Variants in UBE2Q1 observed in about 807,000 individuals in gnomAD.
UBE2Q1 encodes the protein ubiquitin-conjugating enzyme E2 Q1.
UBE2Q1 carries 6 observed loss-of-function variants against 60.1 expected under a neutral mutation model. The observed-to-expected ratio is 0.10, with a 90% CI of 0.05 to 0.20. UBE2Q1 has a LOEUF of 0.20. UBE2Q1 is among the 10% of genes least tolerant of loss of function. The pLI is 1.00. For missense variants in UBE2Q1, 262 were observed against 525.8 expected, an observed-to-expected ratio of 0.50 and a Z score of 4.91; for synonymous variants, 226 against 208.3, an observed-to-expected ratio of 1.09 and a Z score of -0.73.
intron 7 of UBE2Q1, 95 bp downstream of exon 7, chr1:154,552,308 GA>G: frequency 6.3e-7 from 1 of 1,592,534 alleles, no homozygotes; most frequent in South Asian, 1.1e-5. Context: ...GACCCTGAAT[GA>G]AAATGCTGGA....
chr1:154,553,779 G>T (rs1347333449), intron 4 of UBE2Q1: 1 of 152,554 alleles, frequency 6.6e-6, no homozygotes. Flanking sequence ...TGCTCTAAGT[G>T]AGCAAGCAAC....
rs1695758192 is a variant in UBE2Q1, at chr1:154,549,637, TC to T, written c.*800del. 1 of 152,694 alleles carries T rather than the reference TC, an allele frequency of 6.5e-6. No individual in the cohort carries two copies. Among genetic ancestry groups the T allele is most frequent in the East Asian group, 1.9e-4 (1 of 5,210 alleles). The allele number at this position is 152,694 out of a possible 1,614,324, so 9.5% of individuals were successfully genotyped here. A position where few individuals can be genotyped will look rare whatever the true frequency, so the allele number is the denominator to read the frequency against. ...TCAAAAGGAATTCTACGAAGCAGCC[TC>T]TTGAGCCTCATTTTCTTTTTCTTAG... On this transcript the variant is annotated 3_prime_UTR_variant, in exon 13 of 13. Coordinates refer to ENST00000292211, the MANE Select transcript of UBE2Q1 (RefSeq NM_017582.7).
chr1:154,558,649 G>A lies in UBE2Q1; in HGVS notation c.-96C>T. The stretch of plus-strand genomic sequence containing the variant: ...CCGCCGCCGCCGCCGCCGCCGCCGC[G>A]GTCCGCACTTCCTGATCCCCCCTTC... On this transcript the variant is annotated 5_prime_UTR_variant, in exon 1 of 13. Transcript: ENST00000292211. The A allele has an allele frequency of 2.3e-6, 2 of 878,164 alleles. No homozygotes were observed. Among genetic ancestry groups the A allele is most frequent in the Non-Finnish European group, 2.7e-6 (2 of 739,952 alleles). 54.4% of individuals were successfully genotyped at this position (878,164 alleles called of 1,614,324 possible). A position where few individuals can be genotyped will look rare whatever the true frequency, so the allele number is the denominator to read the frequency against.
chr1:154,550,546 T>C lies in UBE2Q1; in HGVS notation c.1238-77A>G, dbSNP rs374660637. ...TGTCCTGCCCCAATCCCTGAAGACG[T>C]CTCCAGTGGCAGAGATAAGAGGATA... On this transcript the variant is annotated intron_variant, in intron 12 of 12. Transcript: ENST00000292211. 9.4e-6 allele frequency: 15 copies of C among 1,602,806 alleles called. No homozygotes were observed. The African/African-American group carries it at 1.9e-4, about 20-fold the overall frequency.
At chr1:154,555,709 C>G in intron 2 of UBE2Q1, 151 bp downstream of exon 2, 1 of 876,258 alleles carries the variant, frequency 1.1e-6, no homozygotes. Context: ...TGCAGGGTCT[C>G]CCTCTGGCTT....
At chr1:154,550,579 G>A (rs1395810103) in intron 12 of UBE2Q1, 110 bp from the exon 13 acceptor site, 1 of 1,566,304 alleles carries the variant, frequency 6.4e-7, no homozygotes, top group Non-Finnish European at 8.6e-7. Context: ...ATATTGGGGA[G>A]GGCTATGCTG....
rs141871612 is a variant in UBE2Q1, at chr1:154,550,631, G to A, written c.1238-162C>T. The A allele has an allele frequency of 4.9e-4, 479 of 985,368 alleles. 4 individuals carry two copies. The African/African-American group carries it at 7.7e-3, about 16-fold the overall frequency. The allele number at this position is 985,368 out of a possible 1,614,324, so 61.0% of individuals were successfully genotyped here. On this transcript the variant is annotated intron_variant, in intron 12 of 12. Transcript: ENST00000292211. ...TGGGAAGCTGAGAGCCTGCATACCT[G>A]GAGATGAGAAGGGGGAATGATGTGC...
At chr1:154,551,162 G>A (rs1025574660) in intron 11 of UBE2Q1, 158 bp from the exon 12 acceptor site, 3 of 929,302 alleles carry the variant, frequency 3.2e-6, no homozygotes, top group African/African-American at 3.3e-5. Context: ...TCCCTTGGAG[G>A]CATAATCCCA....
At chr1:154,558,166 G>A (rs1370291770) in intron 1 of UBE2Q1, 61 bp downstream of exon 1, 4 of 1,370,564 alleles carry the variant, frequency 2.9e-6, no homozygotes, top group Non-Finnish European at 3.9e-6. Flanking sequence ...AAAGCTGGAT[G>A]GAGTGATCCT....
chr1:154,548,921 A>G lies in UBE2Q1; in HGVS notation c.*1517T>C. 6.5e-6 allele frequency: 1 copy of G among 152,748 alleles called. No individual in the cohort carries two copies. Among genetic ancestry groups the G allele is most frequent in the Non-Finnish European group, 1.5e-5 (1 of 68,044 alleles). 9.5% of individuals were successfully genotyped at this position (152,748 alleles called of 1,614,324 possible). On this transcript the variant is annotated 3_prime_UTR_variant, in exon 13 of 13. Coordinates refer to ENST00000292211, the MANE Select transcript of UBE2Q1 (RefSeq NM_017582.7). ...AACATTAAAAGTCCCTCAAAAGAAA[A>G]GGGGTAGGGGAGGGGAAAGAATGGC...
intron 12 of UBE2Q1, 83 bp downstream of exon 12, chr1:154,550,855 A>G (rs1486151739): frequency 6.2e-7 from 1 of 1,610,086 alleles, no homozygotes; most frequent in East Asian, 2.2e-5. Flanking sequence ...AAACCAAAAG[A>G]AGGGGTTCTT....
Position 154,555,874 on chromosome 1 carries a change from T to C in UBE2Q1, c.418A>G (p.Lys140Glu), listed in dbSNP as rs753847447. The change falls in exon 2 of 13, where the codon AAA (lysine) becomes GAA (glutamate). Residue 140 changes from lysine to glutamate, a missense_variant. Lys to Glu is a moderately conservative substitution (Grantham distance 56). Coordinates refer to ENST00000292211, the MANE Select transcript of UBE2Q1 (RefSeq NM_017582.7). ...GGCCCCCTCACCAGAGTATTCCCTT[T>C]CTTTATGTCCACCAGCCTCTCCAAG... ...AVLERLVDIK[K>E]GNTLLLQHLK... 1.2e-6 allele frequency: 2 copies of C among 1,614,082 alleles called. No individual in the cohort carries two copies. The highest frequency in any genetic ancestry group is 2.2e-5 in the South Asian group (2 of 91,066).
At position 154,548,774 on chromosome 1, in the gene UBE2Q1, T is replaced by TTA. The variant is rs1188683408; in HGVS notation, c.*1662_*1663dup. ...CAGCTCTATGGAATGAATTTTCCCC[T>TTA]TATGTCCCGTCTTTATCTCAACCTC... On this transcript the variant is annotated 3_prime_UTR_variant, in exon 13 of 13. Transcript: ENST00000292211. The TTA allele has an allele frequency of 1.3e-5, 2 of 152,624 alleles. No homozygotes were observed. Among genetic ancestry groups the TTA allele is most frequent in the Non-Finnish European group, 2.9e-5 (2 of 68,046 alleles). 9.5% of individuals were successfully genotyped at this position (152,624 alleles called of 1,614,324 possible).
In UBE2Q1 at chr1:154,552,623, T is replaced by C. The variant is rs546229703; in HGVS notation, c.814+113A>G. 1.6e-5 allele frequency: 23 copies of C among 1,446,166 alleles called. No individual in the cohort carries two copies. The East Asian group carries it at 4.3e-4, about 27-fold the overall frequency. The allele number at this position is 1,446,166 out of a possible 1,614,324, so 89.6% of individuals were successfully genotyped here. ...CCACTGGCTTGAGGAGCTCCATTCT[T>C]GGCCTGAAAAGTTCATAAGCACTCC... On this transcript the variant is annotated intron_variant, in intron 6 of 12. Coordinates refer to ENST00000292211, the MANE Select transcript of UBE2Q1 (RefSeq NM_017582.7).
chr1:154,552,850 T>C (rs764963930), intron 5 of UBE2Q1, 30 bp from the exon 6 acceptor site: 1 of 1,612,518 alleles, frequency 6.2e-7, no homozygotes, highest in South Asian at 1.1e-5. Context: ...GGAACATTCC[T>C]TGGTCGTGTG....
intron 6 of UBE2Q1, 135 bp downstream of exon 6, chr1:154,552,601 C>A: frequency 7.0e-7 from 1 of 1,420,932 alleles, no homozygotes. Context: ...AACCAAGCCA[C>A]TGGCTTGAGG....
rs1240370678 is a variant in UBE2Q1, at chr1:154,552,758, G to A, written c.792C>T (p.Tyr264=). ...DRLMKELRDI[Y]RSQSFKGGNY... ...CACCGCCTTTGAAACTCTGTGATCGGTATATATCCCTGAGCTCCTTCATCA... is the reference window on the plus strand; with the variant it reads ...CACCGCCTTTGAAACTCTGTGATCGATATATATCCCTGAGCTCCTTCATCA... Residue 264 remains tyrosine, a synonymous_variant, in exon 6 of 13, where the codon TAC becomes TAT. Coordinates refer to ENST00000292211, the MANE Select transcript of UBE2Q1 (RefSeq NM_017582.7). 5.0e-6 allele frequency: 8 copies of A among 1,614,100 alleles called. No homozygotes were observed. The highest frequency in any genetic ancestry group is 6.8e-6 in the Non-Finnish European group (8 of 1,180,044).
intron 11 of UBE2Q1, 168 bp downstream of exon 11, chr1:154,551,229 G>C: frequency 1.2e-6 from 1 of 842,352 alleles, no homozygotes; most frequent in East Asian, 2.5e-5. Context: ...GCCCCTAGGG[G>C]CCAAGGCACA....
At chr1:154,556,689 G>C (rs1220278073) in intron 1 of UBE2Q1, among the ~76,000 whole-genome samples, 2 of 152,150 alleles carry the variant, frequency 1.3e-5, no homozygotes, top group Non-Finnish European at 2.9e-5. Context: ...CTCCCTCTCT[G>C]CCCAAACCAA....
Sources: gnomAD v4.1 joint callset for allele counts (sites outside exome capture counted in the v4.1 genomes callset) on GRCh38, gnomAD v4.1.1 for gene constraint, MANE v1.5 for transcripts, NCBI Gene and HGNC (gene_info 2026-07-23, HGNC 2026-07-21) for gene names.